The following CNTNAP5 variants were observed in gnomAD, a reference collection of about 807,000 sequenced individuals.
CNTNAP5 encodes the protein contactin-associated protein-like 5.
A neutral mutation model predicts 150.2 loss-of-function variants in CNTNAP5; 72 were observed. The observed-to-expected ratio is 0.48, with a 90% CI of 0.40 to 0.58. The LOEUF is 0.58. Ranked by LOEUF, CNTNAP5 falls within the 20% of genes least tolerant of loss-of-function variation. The probability of loss-of-function intolerance (pLI) is 0.00; values close to 1 mark genes in which losing one functional copy is unlikely to be tolerated. For synonymous variants in CNTNAP5, 672 were observed against 619.8 expected, an observed-to-expected ratio of 1.08 and a Z score of -1.25; for missense variants, 1,636 against 1,626.2, an observed-to-expected ratio of 1.01 and a Z score of -0.10.
chr2:124,205,208 G>C (rs191244432), intron 1 of CNTNAP5, among the ~76,000 whole-genome samples: 4 of 151,954 alleles, frequency 2.6e-5, no homozygotes, highest in African/African-American at 9.7e-5. Flanking sequence ...TCATGGGGGC[G>C]GTTTCCCCCA....
chr2:124,269,859 A>T (rs1315936893), intron 3 of CNTNAP5, among the ~76,000 whole-genome samples: 9 of 152,186 alleles, frequency 5.9e-5, no homozygotes. Flanking sequence ...GAAAGAAAGC[A>T]ATGTAAAAAT....
chr2:124,319,651 T>C (rs1249645948), intron 3 of CNTNAP5, among the ~76,000 whole-genome samples: 1 of 152,208 alleles, frequency 6.6e-6, no homozygotes, highest in African/African-American at 2.4e-5. Flanking sequence ...AGCCTCAGCA[T>C]GGTTGACATT....
chr2:124,315,044 A>G (rs1688930035), intron 3 of CNTNAP5, among the ~76,000 whole-genome samples: 1 of 151,862 alleles, frequency 6.6e-6, no homozygotes, highest in Non-Finnish European at 1.5e-5. Context: ...CAGTGGTATA[A>G]TCACAGCTCA....
rs567474253 is a variant in CNTNAP5, at chr2:124,793,063, G to A, written c.2992+2922G>A. Among the ~76,000 whole-genome samples, 14 of 152,294 alleles carry A rather than the reference G, an allele frequency of 9.2e-5. No homozygotes were observed. In the South Asian group the frequency reaches 2.9e-3, roughly 32 times the overall value. On this transcript the variant is annotated intron_variant, in intron 18 of 23. Coordinates refer to ENST00000682447, the MANE Select transcript of CNTNAP5 (RefSeq NM_001367498.1). ...TGGATATATACCTAGAAGTGAGATT[G>A]TTGTGTCAAACGGTAACTATAGGTT... is the stretch of plus-strand genomic sequence containing the variant.
chr2:124,634,057 T>C (rs955398145), intron 12 of CNTNAP5, among the ~76,000 whole-genome samples: 61 of 152,184 alleles, frequency 4.0e-4, no homozygotes, highest in South Asian at 2.1e-4. Flanking sequence ...GTCTCTGAAA[T>C]GTCTTTGAGG....
chr2:124,391,087 A>T (rs1691097919), intron 3 of CNTNAP5, among the ~76,000 whole-genome samples: 1 of 152,200 alleles, frequency 6.6e-6, no homozygotes, highest in South Asian at 2.1e-4. Context: ...GCCTTGGACA[A>T]GTCGTTTGAA....
At chr2:124,330,055 C>CT (rs1186107624) in intron 3 of CNTNAP5, among the ~76,000 whole-genome samples, 2 of 152,140 alleles carry the variant, frequency 1.3e-5, no homozygotes, top group Non-Finnish European at 2.9e-5. Context: ...TGGGTGGATT[C>CT]TTCTCTTCTT....
chr2:124,243,935 G>A (rs1006123331), intron 3 of CNTNAP5, among the ~76,000 whole-genome samples: 5 of 152,090 alleles, frequency 3.3e-5, no homozygotes, highest in African/African-American at 1.2e-4. Context: ...TAAGAAATAA[G>A]CACACCTTCC....
At chr2:124,520,350 G>T (rs546624620) in intron 8 of CNTNAP5, among the ~76,000 whole-genome samples, 1 of 152,294 alleles carries the variant, frequency 6.6e-6, no homozygotes, top group South Asian at 2.1e-4. Context: ...CTACAGCTCT[G>T]TTACTATTTT....
At chr2:124,771,988 A>ACCT in intron 16 of CNTNAP5, among the ~76,000 whole-genome samples, 1 of 151,298 alleles carries the variant, frequency 6.6e-6, no homozygotes, top group South Asian at 2.2e-4. Flanking sequence ...CATCATCATC[A>ACCT]CCACCACCAC....
Position 124,896,294 on chromosome 2 carries a change from T to G in CNTNAP5, c.3437-6588T>G, listed in dbSNP as rs552380066. Among the ~76,000 whole-genome samples, 26 of 151,534 alleles carry G rather than the reference T, an allele frequency of 1.7e-4. No homozygotes were observed. In the East Asian group the frequency reaches 3.9e-3, roughly 23 times the overall value. Reference sequence around the variant, plus strand: ...GCATGCACACACACACACACATACATGAATGTCACTGATTAGATGCCATTA... The same window carrying G: ...GCATGCACACACACACACACATACAGGAATGTCACTGATTAGATGCCATTA... On this transcript the variant is annotated intron_variant, in intron 21 of 23. Coordinates refer to ENST00000682447, the MANE Select transcript of CNTNAP5 (RefSeq NM_001367498.1).
chr2:124,499,077 T>C (rs1694217098), intron 7 of CNTNAP5, among the ~76,000 whole-genome samples: 1 of 152,292 alleles, frequency 6.6e-6, no homozygotes, highest in South Asian at 2.1e-4. Flanking sequence ...CGTGGTCTCA[T>C]GTGGTCTTAA....
intron 1 of CNTNAP5, among the ~76,000 whole-genome samples, chr2:124,217,549 C>T (rs935474034): frequency 1.3e-5 from 2 of 152,136 alleles, no homozygotes; most frequent in Non-Finnish European, 2.9e-5. Flanking sequence ...AGAATGAAGG[C>T]GCAATGTCAT....
At chr2:124,097,795 G>A (rs1488679199) in intron 1 of CNTNAP5, among the ~76,000 whole-genome samples, 7 of 152,186 alleles carry the variant, frequency 4.6e-5, no homozygotes, top group African/African-American at 7.2e-5. Flanking sequence ...TTGGGCGGCC[G>A]AGGCGGGAGG....
chr2:124,742,488 G>A lies in CNTNAP5; in HGVS notation c.2078-4741G>A, dbSNP rs542790231. 6.6e-5 allele frequency among the ~76,000 whole-genome samples: 10 copies of A among 152,168 alleles called. 1 individual carries two copies. Among genetic ancestry groups the A allele is most frequent in the South Asian group, 4.1e-4 (2 of 4,824 alleles). On this transcript the variant is annotated intron_variant, in intron 13 of 23. Transcript: ENST00000682447. The stretch of plus-strand genomic sequence containing the variant: ...TTCCAGCACTCAATGCTGACATTGC[G>A]TTGTGCTATAGTATTATTATTGTGT...
intron 13 of CNTNAP5, among the ~76,000 whole-genome samples, chr2:124,726,419 CT>C (rs1680158080): frequency 6.6e-6 from 1 of 152,084 alleles, no homozygotes; most frequent in African/African-American, 2.4e-5. Context: ...TTTCTCTCCC[CT>C]GTCACCATGT....
At chr2:124,132,841 T>C (rs1683886639) in intron 1 of CNTNAP5, among the ~76,000 whole-genome samples, 1 of 152,146 alleles carries the variant, frequency 6.6e-6, no homozygotes, top group Non-Finnish European at 1.5e-5. Flanking sequence ...TACTGTTCAA[T>C]CTATGTGTCC....
At chr2:124,094,166 T>C (rs1004967422) in intron 1 of CNTNAP5, among the ~76,000 whole-genome samples, 1 of 152,202 alleles carries the variant, frequency 6.6e-6, no homozygotes. Context: ...CAAACTCAAA[T>C]TGTTTTTTCT....
At chr2:124,322,806 T>TCAC (rs1351279691) in intron 3 of CNTNAP5, among the ~76,000 whole-genome samples, 1 of 152,130 alleles carries the variant, frequency 6.6e-6, no homozygotes, top group Non-Finnish European at 1.5e-5. Flanking sequence ...TCCCACAACC[T>TCAC]CACCAGGCAG....
Sources: allele counts gnomAD v4.1 joint callset (sites outside exome capture counted in the v4.1 genomes callset), GRCh38; gene constraint gnomAD v4.1.1; transcripts MANE v1.5; gene names NCBI Gene and HGNC (gene_info 2026-07-23, HGNC 2026-07-21).